NOX4: variants seen among roughly 807,000 people sequenced by gnomAD.
NOX4 encodes NADPH oxidase 4.
A neutral mutation model predicts 87.6 loss-of-function variants in NOX4; 69 were observed. The observed-to-expected ratio is 0.79, with a 90% CI of 0.65 to 0.96. The LOEUF (loss-of-function observed/expected upper bound fraction) is 0.96. Ranked by LOEUF, NOX4 falls within the 40% of genes least tolerant of loss-of-function variation. The pLI is 0.00. For missense variants in NOX4, 680 were observed against 681.5 expected, an observed-to-expected ratio of 1.00 and a Z score of 0.02; for synonymous variants, 275 against 238.2, an observed-to-expected ratio of 1.15 and a Z score of -1.42.
upstream of NOX4, among the ~76,000 whole-genome samples, chr11:89,492,819 GGGGGCAGGAGGTTCATTGGCAGAATA>G (rs1946892566): frequency 6.6e-6 from 1 of 152,172 alleles, no homozygotes; most frequent in Non-Finnish European, 1.5e-5. Context: ...TTCAATAGAT[GGGGGCAGGAGGTTCATTGGCAGAATA>G]GGTTCTTGTC....
chr11:89,559,148 G>A, the NOX4 span, among the ~76,000 whole-genome samples: 1 of 151,920 alleles, frequency 6.6e-6, no homozygotes, highest in Admixed American at 6.6e-5. Flanking sequence ...TTCTGTGCTA[G>A]AAATAAGCAG....
intron 2 of NOX4, among the ~76,000 whole-genome samples, chr11:89,464,323 T>C (rs1367882885): frequency 1.3e-5 from 2 of 152,124 alleles, no homozygotes; most frequent in Non-Finnish European, 2.9e-5. Context: ...CTCATACATG[T>C]TTGTTCCTGA....
At chr11:89,347,716 A>T (rs1379473751) in intron 13 of NOX4, among the ~76,000 whole-genome samples, 1 of 152,030 alleles carries the variant, frequency 6.6e-6, no homozygotes, top group African/African-American at 2.4e-5. Context: ...CATAATAGTC[A>T]TCACATTCTG....
At chr11:89,544,345 C>A in the NOX4 span, among the ~76,000 whole-genome samples, 1 of 152,042 alleles carries the variant, frequency 6.6e-6, no homozygotes, top group Admixed American at 6.6e-5. Context: ...ACTTTAAGCT[C>A]TGTAAAGGTA....
At chr11:89,406,338 G>A (rs934003727) in intron 8 of NOX4, among the ~76,000 whole-genome samples, 2 of 151,948 alleles carry the variant, frequency 1.3e-5, no homozygotes, top group Non-Finnish European at 2.9e-5. Flanking sequence ...GATTTTTATG[G>A]TGTTTTAAAT....
At chr11:89,530,288 A>T in the NOX4 span, among the ~76,000 whole-genome samples, 2 of 140,566 alleles carry the variant, frequency 1.4e-5, no homozygotes, top group African/African-American at 2.7e-5. Context: ...CCTTTCCCTC[A>T]CTCTCTCCAT....
chr11:89,328,931 T>C (rs1415761002), intron 17 of NOX4, among the ~76,000 whole-genome samples: 2 of 151,934 alleles, frequency 1.3e-5, no homozygotes, highest in Non-Finnish European at 2.9e-5. Context: ...GAGAGAGATC[T>C]CAGGAAACCA....
At chr11:89,363,713 G>A (rs1012293229) in intron 12 of NOX4, among the ~76,000 whole-genome samples, 8 of 152,026 alleles carry the variant, frequency 5.3e-5, no homozygotes, top group Admixed American at 5.2e-4. Context: ...CAAACTTAGA[G>A]TATATCCATA....
intron 17 of NOX4, among the ~76,000 whole-genome samples, chr11:89,332,737 T>C (rs1032465488): frequency 6.6e-6 from 1 of 151,830 alleles, no homozygotes; most frequent in Non-Finnish European, 1.5e-5. Flanking sequence ...GAACTTGCAG[T>C]CAGGAGACTT....
At chr11:89,451,943 G>T in intron 2 of NOX4, 48 bp from the exon 3 acceptor site, 1 of 1,260,834 alleles carries the variant, frequency 7.9e-7, no homozygotes, top group Non-Finnish European at 1.2e-6. Context: ...CAGTAGTAAA[G>T]CCCTGTCCTG....
chr11:89,363,686 AAAG>A (rs1156572196), intron 12 of NOX4, among the ~76,000 whole-genome samples: 22 of 152,068 alleles, frequency 1.4e-4, no homozygotes, highest in Admixed American at 4.6e-4. Context: ...TTCCTTCTAA[AAAG>A]AAGAATTAAA....
chr11:89,440,950 T>C (rs1044809896), intron 5 of NOX4, among the ~76,000 whole-genome samples: 1 of 152,166 alleles, frequency 6.6e-6, no homozygotes, highest in Non-Finnish European at 1.5e-5. Context: ...AAATACTGGA[T>C]GACTCAAAAG....
the NOX4 span, among the ~76,000 whole-genome samples, chr11:89,574,433 A>G: frequency 6.6e-6 from 1 of 152,204 alleles, no homozygotes; most frequent in East Asian, 1.9e-4. Flanking sequence ...TCTTCTCTCT[A>G]GATTTCTGGT....
chr11:89,585,909 T>C, the NOX4 span, among the ~76,000 whole-genome samples: 1 of 152,220 alleles, frequency 6.6e-6, no homozygotes, highest in Admixed American at 6.6e-5. Context: ...CTGAAATTTC[T>C]ATGACAATCA....
rs113101395 is a variant in NOX4, at chr11:89,464,376, G to A, written c.154-12481C>T. 3.2e-3 allele frequency among the ~76,000 whole-genome samples: 491 copies of A among 152,190 alleles called. 5 individuals are homozygous for A. Among genetic ancestry groups the A allele is most frequent in the African/African-American group, 0.011 (473 of 41,552 alleles). ...AACTAAGAAGAAAACTTTTTACTAG[G>A]TTTTCAGAGTACAAAAGGTTCTCAT... On this transcript the variant is annotated intron_variant, in intron 2 of 17. Transcript: ENST00000263317.
chr11:89,578,880 T>C, the NOX4 span, among the ~76,000 whole-genome samples: 4 of 152,230 alleles, frequency 2.6e-5, no homozygotes, highest in Non-Finnish European at 5.9e-5. Context: ...TTATTCCTGA[T>C]TGCCAAGACT....
the NOX4 span, among the ~76,000 whole-genome samples, chr11:89,581,742 T>C: frequency 6.6e-6 from 1 of 152,168 alleles, no homozygotes. Flanking sequence ...GCTGTACATA[T>C]TTAATGCATA....
At chr11:89,398,340 A>C (rs1941625461) in intron 11 of NOX4, among the ~76,000 whole-genome samples, 1 of 152,032 alleles carries the variant, frequency 6.6e-6, no homozygotes, top group Non-Finnish European at 1.5e-5. Context: ...GCTATTTATA[A>C]CAAACCCACA....
At chr11:89,375,202 A>G (rs1406698892) in intron 11 of NOX4, among the ~76,000 whole-genome samples, 3 of 152,232 alleles carry the variant, frequency 2.0e-5, no homozygotes, top group Non-Finnish European at 4.4e-5. Context: ...AAATATTAAA[A>G]TTGAAATATT....
Sources: allele counts gnomAD v4.1 joint callset (sites outside exome capture counted in the v4.1 genomes callset), GRCh38; gene constraint gnomAD v4.1.1; transcripts MANE v1.5; gene names NCBI Gene and HGNC (gene_info 2026-07-23, HGNC 2026-07-21).